The following CLIP4 variants were observed in gnomAD, a reference collection of about 807,000 sequenced individuals.
CLIP4 encodes the protein CAP-Gly domain containing linker protein family member 4, also known as CAP-Gly domain-containing linker protein 4.
CLIP4 carries 47 observed loss-of-function variants against 73.1 expected under a neutral mutation model. That is an observed-to-expected ratio of 0.64 (90% CI 0.51 to 0.82). The LOEUF is 0.82. Ranked by LOEUF, CLIP4 falls within the 40% of genes least tolerant of loss-of-function variation. The probability of loss-of-function intolerance (pLI) is 0.00; values close to 1 mark genes in which losing one functional copy is unlikely to be tolerated. For synonymous variants in CLIP4, 306 were observed against 295.4 expected (o/e 1.04, Z -0.37); for missense variants, 874 against 852.9 (o/e 1.02, Z -0.31).
intron 1 of CLIP4, among the ~76,000 whole-genome samples, chr2:29,102,639 T>TG (rs1159665276): frequency 6.6e-6 from 1 of 151,890 alleles, no homozygotes; most frequent in Non-Finnish European, 1.5e-5. Flanking sequence ...TTCTTTTTTT[T>TG]TTTTGAGACA....
intron 1 of CLIP4, chr2:29,118,084 CAGG>C (rs1663993518): frequency 6.6e-6 from 1 of 152,136 alleles, no homozygotes; most frequent in Admixed American, 6.5e-5. Flanking sequence ...ATTGGAATCT[CAGG>C]AGAATGATGA....
chr2:29,127,573 C>A (rs1445701836), intron 2 of CLIP4, among the ~76,000 whole-genome samples: 1 of 152,096 alleles, frequency 6.6e-6, no homozygotes, highest in Non-Finnish European at 1.5e-5. Flanking sequence ...AAATTATAAT[C>A]ACCCTCATCA....
upstream of CLIP4, among the ~76,000 whole-genome samples, chr2:29,114,621 C>T (rs1309432017): frequency 6.6e-6 from 1 of 152,170 alleles, no homozygotes; most frequent in Non-Finnish European, 1.5e-5. Flanking sequence ...TCCCTGAAAT[C>T]AATGATTCTA....
chr2:29,112,198 G>A (rs1464882352), upstream of CLIP4, among the ~76,000 whole-genome samples: 1 of 152,214 alleles, frequency 6.6e-6, no homozygotes, highest in African/African-American at 2.4e-5. Flanking sequence ...GGCATGGCAG[G>A]TCTGCTCTGG....
chr2:29,120,397 G>A (rs1664173149), intron 1 of CLIP4, among the ~76,000 whole-genome samples: 1 of 152,144 alleles, frequency 6.6e-6, no homozygotes, highest in Non-Finnish European at 1.5e-5. Context: ...GGATAATTGA[G>A]TTAGATATAG....
At chr2:29,163,001 T>G (rs897887394) in intron 12 of CLIP4, among the ~76,000 whole-genome samples, 8 of 152,124 alleles carry the variant, frequency 5.3e-5, no homozygotes, top group Admixed American at 3.9e-4. Context: ...TACTGTACAC[T>G]CCTTTTAAAT....
rs1665036268 is a variant in CLIP4 at position 29,132,350 on chromosome 2, G to C, written c.367+105G>C. On this transcript the variant is annotated intron_variant, in intron 4 of 15. Transcript: ENST00000320081. ...GTCTGGGGGAAGGCACCCAGCTGATGATGATAATATTGCCTGAAGAGCTGA... is the reference window on the plus strand; with the variant it reads ...GTCTGGGGGAAGGCACCCAGCTGATCATGATAATATTGCCTGAAGAGCTGA... The C allele has an allele frequency of 4.6e-6, 4 of 875,806 alleles. No homozygotes were observed. In the South Asian group the frequency reaches 6.1e-5, roughly 13 times the overall value. 54.3% of individuals were successfully genotyped at this position (875,806 alleles called of 1,614,324 possible).
At chr2:29,181,366 C>T (rs887727729) in intron 15 of CLIP4, among the ~76,000 whole-genome samples, 45 of 152,196 alleles carry the variant, frequency 3.0e-4, no homozygotes, top group African/African-American at 1.0e-3. Context: ...CGTGGACCCA[C>T]GTACTTCAAA....
chr2:29,181,397 A>G (rs1668635153), intron 15 of CLIP4, among the ~76,000 whole-genome samples, 175 bp from the exon 16 acceptor site: 1 of 152,204 alleles, frequency 6.6e-6, no homozygotes, highest in Non-Finnish European at 1.5e-5. Flanking sequence ...TCATGGGTCA[A>G]CTGTATACTC....
chr2:29,182,579 G>T lies in CLIP4; in HGVS notation c.*686G>T, dbSNP rs1668695751. The T allele has an allele frequency of 6.6e-6, 1 of 152,434 alleles. No homozygotes were observed. Among genetic ancestry groups the T allele is most frequent in the African/African-American group, 2.4e-5 (1 of 41,406 alleles). The allele number at this position is 152,434 out of a possible 1,614,324, so 9.4% of individuals were successfully genotyped here. A position where few individuals can be genotyped will look rare whatever the true frequency, so the allele number is the denominator to read the frequency against. ...TAACTGAGCTAAGAATAGACTGTGG[G>T]TCTCCTCACTTGTGGCCCAGTGCTC... On this transcript the variant is annotated 3_prime_UTR_variant, in exon 16 of 16. Transcript: ENST00000320081.
At chr2:29,122,997 ATAGT>A (rs1558518644) in intron 2 of CLIP4, among the ~76,000 whole-genome samples, 1 of 152,144 alleles carries the variant, frequency 6.6e-6, no homozygotes, top group Non-Finnish European at 1.5e-5. Context: ...AACTAACAAA[ATAGT>A]TAATTTTATT....
At chr2:29,151,971 G>A (rs1666602179) in intron 8 of CLIP4, among the ~76,000 whole-genome samples, 1 of 152,042 alleles carries the variant, frequency 6.6e-6, no homozygotes, top group Non-Finnish European at 1.5e-5. Context: ...CCTCCCCAAA[G>A]TACACTGTAT....
intron 5 of CLIP4, among the ~76,000 whole-genome samples, chr2:29,134,743 T>A (rs1347309183): frequency 6.6e-6 from 1 of 152,092 alleles, no homozygotes; most frequent in Non-Finnish European, 1.5e-5. Flanking sequence ...AAGATGGGAT[T>A]CCCAAATCTG....
At chr2:29,131,139 A>ATT in intron 2 of CLIP4, 119 bp from the exon 3 acceptor site, 1 of 966,090 alleles carries the variant, frequency 1.0e-6, no homozygotes, top group Non-Finnish European at 1.5e-6. Context: ...GATACTTCTG[A>ATT]TTTTTTTTTA....
intron 1 of CLIP4, among the ~76,000 whole-genome samples, chr2:29,119,583 T>C (rs1189310391): frequency 1.3e-5 from 2 of 152,168 alleles, no homozygotes; most frequent in Non-Finnish European, 2.9e-5. Context: ...TGTTACTCTC[T>C]TTAAAAAAAT....
rs140760409 is a variant in CLIP4, at chr2:29,103,678, G to A, written c.-16+5731G>A. The stretch of plus-strand genomic sequence containing the variant: ...GGGTGACCAACTTGTTTCAATTTTC[G>A]TGGCACTGCTCTGTTTTTTTTTTGT... On this transcript the variant is annotated intron_variant, in intron 1 of 14. Transcript: ENST00000401605. Among the ~76,000 whole-genome samples the A allele has an allele frequency of 1.8e-4, 28 of 151,382 alleles. 1 individual carries two copies. In the East Asian group the frequency reaches 4.9e-3, roughly 26 times the overall value.
intron 8 of CLIP4, among the ~76,000 whole-genome samples, chr2:29,145,720 C>T (rs773563030): frequency 5.3e-5 from 8 of 152,186 alleles, no homozygotes; most frequent in Non-Finnish European, 1.2e-4. Flanking sequence ...CTTGCTCTGT[C>T]GCCCAGGCTA....
intron 8 of CLIP4, among the ~76,000 whole-genome samples, chr2:29,148,169 C>T (rs1396470666): frequency 2.6e-5 from 4 of 152,106 alleles, no homozygotes; most frequent in Non-Finnish European, 4.4e-5. Context: ...ATGGGTATAG[C>T]CCTTGACAGC....
In CLIP4 at chr2:29,179,950, C is replaced by T. The variant is rs569228629; in HGVS notation, c.1797-1622C>T. On this transcript the variant is annotated intron_variant, in intron 15 of 15. Transcript: ENST00000320081. ...GAATAAATCTCTGAGCCTCAGTTTT[C>T]CTATCCATTAAAATTAGTCATCTTC... Among the ~76,000 whole-genome samples the T allele has an allele frequency of 5.3e-5, 8 of 152,238 alleles. No homozygotes were observed. The South Asian group carries it at 1.7e-3, about 32-fold the overall frequency.
Sources: gnomAD v4.1 joint callset for allele counts (sites outside exome capture counted in the v4.1 genomes callset) on GRCh38, gnomAD v4.1.1 for gene constraint, MANE v1.5 for transcripts, NCBI Gene and HGNC (gene_info 2026-07-23, HGNC 2026-07-21) for gene names.